Variants in CSMD1 observed in about 807,000 individuals in gnomAD.
The protein encoded by CSMD1 is CUB and Sushi multiple domains 1, also known as CUB and sushi domain-containing protein 1.
Under a neutral mutation model 417.5 loss-of-function variants are expected in CSMD1, and 213 were observed. The observed-to-expected ratio is 0.51, with a 90% CI of 0.46 to 0.57. The LOEUF is 0.57. Among genes scored for constraint, CSMD1 ranks in the 20% least tolerant of loss-of-function variants. The pLI, the probability that CSMD1 is intolerant of heterozygous loss-of-function variation, is 0.00. For synonymous variants in CSMD1, 2,862 were observed against 1,736.8 expected (o/e 1.65, Z -16.11); for missense variants, 6,923 against 4,529.7 (o/e 1.53, Z -15.17).
chr8:3,480,676 C>G (rs1256766724), intron 11 of CSMD1, among the ~76,000 whole-genome samples: 1 of 151,940 alleles, frequency 6.6e-6, no homozygotes, highest in East Asian at 1.9e-4. Flanking sequence ...GAAAAAACAA[C>G]CAAAAAGAAA....
intron 3 of CSMD1, among the ~76,000 whole-genome samples, chr8:4,132,131 G>C (rs978657314): frequency 2.0e-5 from 3 of 150,490 alleles, no homozygotes; most frequent in Non-Finnish European, 4.4e-5. Flanking sequence ...TTGACAGTAA[G>C]AACGACATTT....
intron 26 of CSMD1, among the ~76,000 whole-genome samples, chr8:3,264,145 G>C (rs1801272748): frequency 6.6e-6 from 1 of 152,054 alleles, no homozygotes; most frequent in Non-Finnish European, 1.5e-5. Context: ...CAGCTTTCTA[G>C]CAGGTATGAA....
At chr8:3,476,821 G>T (rs942927704) in intron 11 of CSMD1, among the ~76,000 whole-genome samples, 1 of 151,478 alleles carries the variant, frequency 6.6e-6, no homozygotes, top group African/African-American at 2.4e-5. Context: ...GGGAGGCTGA[G>T]GCAAGGGAAT....
chr8:3,091,774 A>G (rs868336626), intron 47 of CSMD1, 112 bp from the exon 48 acceptor site: 4 of 833,222 alleles, frequency 4.8e-6, no homozygotes, highest in Middle Eastern at 2.3e-4. Flanking sequence ...ACACAGATAT[A>G]ATTATTACAA....
intron 66 of CSMD1, 113 bp downstream of exon 66, chr8:2,951,001 A>C: frequency 9.2e-7 from 1 of 1,084,614 alleles, no homozygotes; most frequent in Non-Finnish European, 1.3e-6. Flanking sequence ...AGTATATACA[A>C]AGCCAACAGA....
intron 2 of CSMD1, among the ~76,000 whole-genome samples, chr8:4,423,921 A>G (rs1797399876): frequency 6.6e-6 from 1 of 152,072 alleles, no homozygotes; most frequent in African/African-American, 2.4e-5. Flanking sequence ...AACCTGAACA[A>G]ATATCTCCAA....
intron 2 of CSMD1, among the ~76,000 whole-genome samples, chr8:4,499,847 C>A (rs1365238584): frequency 6.6e-6 from 1 of 152,034 alleles, no homozygotes; most frequent in Non-Finnish European, 1.5e-5. Flanking sequence ...ATTTGTTAAG[C>A]AGGTAAATGG....
chr8:4,388,582 C>T (rs947440621), intron 3 of CSMD1, among the ~76,000 whole-genome samples: 1 of 151,980 alleles, frequency 6.6e-6, no homozygotes, highest in South Asian at 2.1e-4. Flanking sequence ...GGATAAAAGA[C>T]TGCAAATAGG....
chr8:3,284,124 A>G lies in CSMD1; in HGVS notation c.4153+20T>C, dbSNP rs754686645. 6.5e-7 allele frequency: 1 copy of G among 1,539,620 alleles called. No homozygotes were observed. Among genetic ancestry groups the G allele is most frequent in the African/African-American group, 1.4e-5 (1 of 72,922 alleles). On this transcript the variant is annotated intron_variant, in intron 26 of 69. Transcript: ENST00000635120. ...AGACTTTGATATCAAGGTAAAGAAG[A>G]AGCACGCTGTGCCACCTACTGGAGA...
chr8:3,875,686 G>C (rs1041462021), intron 5 of CSMD1, among the ~76,000 whole-genome samples: 5 of 152,200 alleles, frequency 3.3e-5, no homozygotes, highest in African/African-American at 1.2e-4. Context: ...AGCTCTGGCT[G>C]AGGTCTAGGG....
intron 54 of CSMD1, among the ~76,000 whole-genome samples, chr8:2,994,789 C>T (rs779232006): frequency 5.1e-4 from 78 of 151,960 alleles, no homozygotes; most frequent in Non-Finnish European, 9.1e-4. Context: ...AACATAGAAG[C>T]CCTTCCTGAT....
intron 3 of CSMD1, among the ~76,000 whole-genome samples, chr8:4,246,719 T>C (rs1265608370): frequency 1.3e-5 from 2 of 152,136 alleles, no homozygotes; most frequent in Non-Finnish European, 2.9e-5. Context: ...TAATTTATCA[T>C]TGGAATAATG....
At chr8:3,370,009 T>A (rs868423746) in intron 18 of CSMD1, among the ~76,000 whole-genome samples, 1 of 152,304 alleles carries the variant, frequency 6.6e-6, no homozygotes, top group Admixed American at 6.5e-5. Flanking sequence ...TTTGCAATGA[T>A]TGCCATTGTA....
intron 1 of CSMD1, among the ~76,000 whole-genome samples, chr8:4,800,058 A>T (rs1798193125): frequency 6.6e-6 from 1 of 152,206 alleles, no homozygotes; most frequent in African/African-American, 2.4e-5. Flanking sequence ...TACACCAAAA[A>T]TTTGAATGAT....
At chr8:4,177,334 G>A (rs1403769741) in intron 3 of CSMD1, among the ~76,000 whole-genome samples, 1 of 151,904 alleles carries the variant, frequency 6.6e-6, no homozygotes, top group Admixed American at 6.6e-5. Context: ...ATGAATACTG[G>A]GTACATAACG....
intron 5 of CSMD1, among the ~76,000 whole-genome samples, chr8:3,804,859 T>C (rs184970569): frequency 6.6e-6 from 1 of 152,168 alleles, no homozygotes; most frequent in Non-Finnish European, 1.5e-5. Context: ...TTTTCTTTCC[T>C]GTTACATGAT....
At chr8:4,159,199 A>T (rs1320865880) in intron 3 of CSMD1, among the ~76,000 whole-genome samples, 1 of 152,198 alleles carries the variant, frequency 6.6e-6, no homozygotes, top group Non-Finnish European at 1.5e-5. Flanking sequence ...TACAGGCATG[A>T]GCCACCGTGC....
chr8:3,825,758 G>A lies in CSMD1; in HGVS notation c.819-71716C>T, dbSNP rs555794700. On this transcript the variant is annotated intron_variant, in intron 5 of 69. Transcript: ENST00000635120. ...AACAAGGAGGCGATTGGGGCCACAT[G>A]AACTGTGGAAATGTAGAATATATTC... Among the ~76,000 whole-genome samples the A allele has an allele frequency of 3.3e-5, 5 of 152,268 alleles. No individual in the cohort carries two copies. In the East Asian group the frequency reaches 9.7e-4, roughly 29 times the overall value.
chr8:3,569,250 T>C (rs1201981125), intron 10 of CSMD1, among the ~76,000 whole-genome samples: 1 of 152,214 alleles, frequency 6.6e-6, no homozygotes, highest in South Asian at 2.1e-4. Flanking sequence ...ATATTTCGTG[T>C]TCCTTTTGAC....
Sources: gnomAD v4.1 joint callset for allele counts (sites outside exome capture counted in the v4.1 genomes callset) on GRCh38, gnomAD v4.1.1 for gene constraint, MANE v1.5 for transcripts, NCBI Gene and HGNC (gene_info 2026-07-23, HGNC 2026-07-21) for gene names.